The following SLC4A4 variants were observed in gnomAD, a reference collection of about 807,000 sequenced individuals.
The protein encoded by SLC4A4 is electrogenic sodium bicarbonate cotransporter 1.
SLC4A4 carries 27 observed loss-of-function variants against 111.5 expected under a neutral mutation model. The observed-to-expected ratio is 0.24, with a 90% CI of 0.18 to 0.33. The LOEUF (loss-of-function observed/expected upper bound fraction) is 0.33, where lower values mean the gene tolerates loss of function less well. Among genes scored for constraint, SLC4A4 ranks in the 10% least tolerant of loss-of-function variants. The pLI, the probability that SLC4A4 is intolerant of heterozygous loss-of-function variation, is 1.00. For missense variants in SLC4A4, 909 were observed against 1,315.5 expected (o/e 0.69, Z 4.78); for synonymous variants, 443 against 463.4 (o/e 0.96, Z 0.57).
intron 2 of SLC4A4, among the ~76,000 whole-genome samples, chr4:71,243,577 G>A (rs1157699999): frequency 6.6e-6 from 1 of 152,082 alleles, no homozygotes; most frequent in African/African-American, 2.4e-5. Context: ...GGTGACTGAG[G>A]TGAGAGCCTG....
At chr4:71,308,823 T>C (rs563287397) in intron 3 of SLC4A4, among the ~76,000 whole-genome samples, 1 of 152,290 alleles carries the variant, frequency 6.6e-6, no homozygotes, top group African/African-American at 2.4e-5. Context: ...TGTGTTTTTT[T>C]CGTACCCCAG....
chr4:71,286,194 C>T (rs759662156), intron 3 of SLC4A4, among the ~76,000 whole-genome samples: 4 of 152,040 alleles, frequency 2.6e-5, no homozygotes, highest in Non-Finnish European at 5.9e-5. Flanking sequence ...GAGCTGAGAT[C>T]GCGCCACTGC....
intron 2 of SLC4A4, among the ~76,000 whole-genome samples, chr4:71,181,257 C>T (rs1745284475): frequency 6.6e-6 from 1 of 151,614 alleles, no homozygotes. Flanking sequence ...GGAGATATAT[C>T]TAATGTTAAA....
intron 4 of SLC4A4, among the ~76,000 whole-genome samples, chr4:71,342,712 AT>A (rs1311350611): frequency 1.3e-5 from 2 of 152,150 alleles, no homozygotes; most frequent in African/African-American, 4.8e-5. Flanking sequence ...ATTTTACATA[AT>A]TCCTGGTCCC....
intron 16 of SLC4A4, among the ~76,000 whole-genome samples, chr4:71,512,463 G>A (rs970906448): frequency 5.9e-5 from 9 of 151,894 alleles, no homozygotes; most frequent in Admixed American, 4.6e-4. Context: ...ATGTCTATTC[G>A]TGTCCTTTGC....
intron 7 of SLC4A4, among the ~76,000 whole-genome samples, chr4:71,407,588 C>A (rs1720977514): frequency 2.0e-5 from 3 of 152,038 alleles, no homozygotes; most frequent in Admixed American, 2.0e-4. Flanking sequence ...GAGTTTTAAC[C>A]AAATAAAACA....
At chr4:71,286,560 CTT>C (rs1560848552) in intron 3 of SLC4A4, among the ~76,000 whole-genome samples, 1 of 152,180 alleles carries the variant, frequency 6.6e-6, no homozygotes. Flanking sequence ...TTTTCTATAA[CTT>C]TGTGCAAAGT....
upstream of SLC4A4, among the ~76,000 whole-genome samples, chr4:71,184,390 G>T (rs1578561600): frequency 6.6e-6 from 1 of 152,150 alleles, no homozygotes; most frequent in Non-Finnish European, 1.5e-5. Flanking sequence ...GCTGCCACTA[G>T]ATGGTGCTTG....
intron 1 of SLC4A4, among the ~76,000 whole-genome samples, chr4:71,082,389 C>T (rs1387555654): frequency 6.6e-6 from 1 of 151,970 alleles, no homozygotes; most frequent in Non-Finnish European, 1.5e-5. Flanking sequence ...CCTTGTCTTC[C>T]TACTCTCAAC....
chr4:71,451,569 A>AG (rs1187848786), intron 11 of SLC4A4, among the ~76,000 whole-genome samples: 2 of 152,326 alleles, frequency 1.3e-5, no homozygotes, highest in Non-Finnish European at 1.5e-5. Flanking sequence ...TTAAGGCAGA[A>AG]GTAGGGACTT....
chr4:71,510,434 G>C (rs924620240), intron 16 of SLC4A4, among the ~76,000 whole-genome samples: 1 of 152,164 alleles, frequency 6.6e-6, no homozygotes, highest in Non-Finnish European at 1.5e-5. Flanking sequence ...CCATCTTAAT[G>C]AAGTCTGAAA....
intron 6 of SLC4A4, among the ~76,000 whole-genome samples, chr4:71,375,584 A>C (rs1341753679): frequency 2.6e-5 from 4 of 152,214 alleles, no homozygotes; most frequent in Non-Finnish European, 4.4e-5. Flanking sequence ...GAGACTCCTC[A>C]CATGACATTT....
chr4:71,296,326 A>G (rs1035032507), intron 3 of SLC4A4, among the ~76,000 whole-genome samples: 1 of 152,234 alleles, frequency 6.6e-6, no homozygotes, highest in Admixed American at 6.5e-5. Context: ...ACGCATTTAA[A>G]TGTACATGTA....
chr4:71,118,848 A>G (rs1303985355), intron 2 of SLC4A4, among the ~76,000 whole-genome samples: 1 of 152,206 alleles, frequency 6.6e-6, no homozygotes, highest in Non-Finnish European at 1.5e-5. Flanking sequence ...TATTTGTTAC[A>G]GGGAAATAGA....
At chr4:71,089,604 T>C (rs1202347711) in intron 1 of SLC4A4, among the ~76,000 whole-genome samples, 3 of 152,212 alleles carry the variant, frequency 2.0e-5, no homozygotes, top group South Asian at 2.1e-4. Flanking sequence ...TTTGTTAGTT[T>C]TCCTTCTAAC....
chr4:71,397,040 A>T (rs894481791), intron 6 of SLC4A4, among the ~76,000 whole-genome samples: 2 of 152,190 alleles, frequency 1.3e-5, no homozygotes, highest in African/African-American at 4.8e-5. Context: ...AATATTCTTG[A>T]TCCAAGTGTT....
At chr4:71,248,975 GCT>G (rs1280076371) in intron 2 of SLC4A4, among the ~76,000 whole-genome samples, 1 of 152,120 alleles carries the variant, frequency 6.6e-6, no homozygotes, top group African/African-American at 2.4e-5. Flanking sequence ...TTATTCTGTA[GCT>G]CTTAGTTCTT....
At chr4:71,170,014 A>T (rs1051251277) in intron 2 of SLC4A4, among the ~76,000 whole-genome samples, 3 of 152,118 alleles carry the variant, frequency 2.0e-5, no homozygotes, top group African/African-American at 7.2e-5. Flanking sequence ...TCAACCCTCA[A>T]GTGCCTTTGA....
chr4:71,366,315 T>G (rs919543941), intron 6 of SLC4A4, among the ~76,000 whole-genome samples: 1 of 137,914 alleles, frequency 7.3e-6, no homozygotes, highest in South Asian at 2.3e-4. Flanking sequence ...TCTGGAGATA[T>G]TGTGTGTGTG....
Sources: allele counts gnomAD v4.1 joint callset (sites outside exome capture counted in the v4.1 genomes callset), GRCh38; gene constraint gnomAD v4.1.1; transcripts MANE v1.5; gene names NCBI Gene and HGNC (gene_info 2026-07-23, HGNC 2026-07-21).